Variants in DENND6A observed in about 807,000 individuals in gnomAD.
The protein encoded by DENND6A is protein DENND6A.
Under a neutral mutation model 95.5 loss-of-function variants are expected in DENND6A, and 43 were observed. The ratio of observed to expected loss-of-function variants is 0.45; its 90% confidence interval spans 0.35 to 0.58. DENND6A has a LOEUF of 0.58. Among genes scored for constraint, DENND6A ranks in the 20% least tolerant of loss-of-function variants. DENND6A has a pLI of 0.00. For synonymous variants in DENND6A, 257 were observed against 260.4 expected, an observed-to-expected ratio of 0.99 and a Z score of 0.13; for missense variants, 574 against 736.0, an observed-to-expected ratio of 0.78 and a Z score of 2.55.
intron 1 of DENND6A, among the ~76,000 whole-genome samples, chr3:57,676,981 G>T (rs1421584290): frequency 1.3e-5 from 2 of 152,040 alleles, no homozygotes; most frequent in African/African-American, 4.8e-5. Flanking sequence ...GCACCACCAT[G>T]CCCAGTTAAT....
chr3:57,690,003 A>C (rs1025430138), intron 1 of DENND6A, among the ~76,000 whole-genome samples: 1 of 150,862 alleles, frequency 6.6e-6, no homozygotes, highest in South Asian at 2.1e-4. Flanking sequence ...GTGAGTTATG[A>C]TCATGCCACT....
rs2071526599 is a variant in DENND6A at position 57,666,542 on chromosome 3, CATA to C, written c.320-310_320-308del. Among the ~76,000 whole-genome samples the C allele has an allele frequency of 7.2e-5, 11 of 152,204 alleles. 1 individual carries two copies. In the South Asian group the frequency reaches 2.3e-3, roughly 32 times the overall value. ...TCTGCATATAATGTTGACTCACAAA[CATA>C]ATAATGAGCAAAAGATGCCAAACAC... On this transcript the variant is annotated intron_variant, in intron 3 of 19. Transcript: ENST00000311128.
chr3:57,628,350 A>T lies in DENND6A; in HGVS notation c.1696-5T>A. On this transcript the variant is annotated splice_region_variant and splice_polypyrimidine_tract_variant and intron_variant, in intron 19 of 19. Coordinates refer to ENST00000311128, the MANE Select transcript of DENND6A (RefSeq NM_152678.3). ...GTGCTCTCGATCAGCCTGCAACTACATAAGGAACATTTCATAACATTTAAA... is the reference window on the plus strand; with the variant it reads ...GTGCTCTCGATCAGCCTGCAACTACTTAAGGAACATTTCATAACATTTAAA... The T allele has an allele frequency of 6.2e-7, 1 of 1,612,786 alleles. No homozygotes were observed. Among genetic ancestry groups the T allele is most frequent in the Non-Finnish European group, 8.5e-7 (1 of 1,179,608 alleles).
intron 1 of DENND6A, among the ~76,000 whole-genome samples, chr3:57,676,570 T>C (rs912076669): frequency 1.3e-5 from 2 of 151,880 alleles, no homozygotes; most frequent in African/African-American, 4.8e-5. Context: ...TAATGTGTAT[T>C]AGGAAAAAAG....
intron 1 of DENND6A, among the ~76,000 whole-genome samples, chr3:57,676,760 T>C (rs115380148): frequency 0.013 from 1,999 of 152,310 alleles, 49 homozygotes; most frequent in African/African-American, 0.045. Flanking sequence ...GATTTTCTTC[T>C]AACATTTTAT....
chr3:57,625,987 T>C lies in DENND6A; in HGVS notation c.*2227A>G, dbSNP rs762887188. ...TATAAATTGTACAATTATTAAAATATACCTTTTTGAAAAATAATAAGATGA... is the reference window on the plus strand; with the variant it reads ...TATAAATTGTACAATTATTAAAATACACCTTTTTGAAAAATAATAAGATGA... On this transcript the variant is annotated 3_prime_UTR_variant, in exon 20 of 20. Transcript: ENST00000311128. The C allele has an allele frequency of 5.2e-5, 8 of 152,660 alleles. No individual in the cohort carries two copies. The highest frequency in any genetic ancestry group is 7.3e-5 in the Non-Finnish European group (5 of 68,048). 9.5% of individuals were successfully genotyped at this position (152,660 alleles called of 1,614,324 possible). A position where few individuals can be genotyped will look rare whatever the true frequency, so the allele number is the denominator to read the frequency against.
chr3:57,677,562 A>G (rs1023125231), intron 1 of DENND6A, among the ~76,000 whole-genome samples: 1 of 150,592 alleles, frequency 6.6e-6, no homozygotes, highest in Non-Finnish European at 1.5e-5. Flanking sequence ...TAGCCTCCTC[A>G]GTAGCTGGGA....
chr3:57,639,297 C>T (rs1023172697), intron 12 of DENND6A, among the ~76,000 whole-genome samples: 9 of 152,142 alleles, frequency 5.9e-5, no homozygotes, highest in Non-Finnish European at 7.4e-5. Flanking sequence ...AATAGGAACC[C>T]TCATACATTG....
At chr3:57,682,420 A>AGG (rs1457231152) in intron 1 of DENND6A, among the ~76,000 whole-genome samples, 1 of 151,974 alleles carries the variant, frequency 6.6e-6, no homozygotes, top group East Asian at 1.9e-4. Context: ...AGATGCTTTG[A>AGG]ACTTTCCTGC....
chr3:57,686,196 C>T (rs2077210390), intron 1 of DENND6A, among the ~76,000 whole-genome samples: 2 of 152,204 alleles, frequency 1.3e-5, no homozygotes, highest in South Asian at 4.1e-4. Flanking sequence ...ATTTCCATAT[C>T]CCAGGTAAAA....
chr3:57,642,864 G>A (rs1472725839), intron 11 of DENND6A, among the ~76,000 whole-genome samples: 2 of 152,060 alleles, frequency 1.3e-5, no homozygotes, highest in Admixed American at 1.3e-4. Flanking sequence ...AAATTAGCCA[G>A]GTGTGGTGGC....
intron 3 of DENND6A, among the ~76,000 whole-genome samples, chr3:57,669,670 G>A (rs6797683): frequency 3.3e-5 from 5 of 150,964 alleles, no homozygotes; most frequent in South Asian, 2.1e-4. Context: ...AGTGGAGATC[G>A]CGCCACTGCG....
intron 1 of DENND6A, among the ~76,000 whole-genome samples, chr3:57,692,034 C>T (rs1422344322): frequency 6.6e-6 from 1 of 151,794 alleles, no homozygotes; most frequent in Non-Finnish European, 1.5e-5. Context: ...AGTTCGAGAC[C>T]AGCCTTACCA....
chr3:57,642,313 CAAAAAAAAAAA>C (rs10681174), intron 11 of DENND6A, among the ~76,000 whole-genome samples: 23 of 67,532 alleles, frequency 3.4e-4, no homozygotes, highest in East Asian at 1.7e-3. Context: ...GACTCTGTCT[CAAAAAAAAAAA>C]AAAAAAAAAA....
intron 15 of DENND6A, among the ~76,000 whole-genome samples, chr3:57,632,994 A>C (rs1162167672): frequency 1.3e-5 from 2 of 152,196 alleles, no homozygotes; most frequent in Non-Finnish European, 2.9e-5. Context: ...GATTCACAAC[A>C]GTCTTGAAAA....
intron 1 of DENND6A, chr3:57,679,507 A>G: frequency 1.0e-6 from 1 of 985,464 alleles, no homozygotes; most frequent in Non-Finnish European, 1.2e-6. Context: ...GGCAAAAATA[A>G]ATGAATACAG....
chr3:57,646,492 A>G, intron 9 of DENND6A, 54 bp from the exon 10 acceptor site: 2 of 1,543,992 alleles, frequency 1.3e-6, no homozygotes. Context: ...TCCTGTTTTT[A>G]AAATTCCTAC....
At chr3:57,664,703 C>A (rs529122793) in intron 4 of DENND6A, among the ~76,000 whole-genome samples, 1 of 152,000 alleles carries the variant, frequency 6.6e-6, no homozygotes, top group African/African-American at 2.4e-5. Context: ...TGTGGTGGCA[C>A]GTGCCTGTAA....
chr3:57,673,862 C>T (rs1353073150), intron 1 of DENND6A, among the ~76,000 whole-genome samples: 1 of 152,058 alleles, frequency 6.6e-6, no homozygotes, highest in Non-Finnish European at 1.5e-5. Flanking sequence ...CTTCCCCTCC[C>T]GGGTTCAAGC....
Sources: gnomAD v4.1 joint callset for allele counts (sites outside exome capture counted in the v4.1 genomes callset) on GRCh38, gnomAD v4.1.1 for gene constraint, MANE v1.5 for transcripts, NCBI Gene and HGNC (gene_info 2026-07-23, HGNC 2026-07-21) for gene names.